Variants in LARP1B observed in about 807,000 individuals in gnomAD.
LARP1B encodes the protein la-related protein 1B.
In LARP1B, 76 loss-of-function variants were observed where a neutral mutation model predicts 114.2. The ratio of observed to expected loss-of-function variants is 0.67; its 90% CI spans 0.55 to 0.81. LARP1B has a LOEUF of 0.81. Ranked by LOEUF, LARP1B falls within the 30% of genes least tolerant of loss-of-function variation. The pLI, the probability that LARP1B is intolerant of heterozygous loss-of-function variation, is 0.00. For missense variants in LARP1B, 1,014 were observed against 1,075.8 expected (o/e 0.94, Z 0.80); for synonymous variants, 345 against 348.0 (o/e 0.99, Z 0.10).
intron 11 of LARP1B, among the ~76,000 whole-genome samples, chr4:128,144,453 A>T (rs1362945305): frequency 6.6e-6 from 1 of 152,080 alleles, no homozygotes; most frequent in Non-Finnish European, 1.5e-5. Flanking sequence ...TTGGGAATTC[A>T]CTTATAGATA....
chr4:128,166,381 G>A (rs940812709), intron 12 of LARP1B, among the ~76,000 whole-genome samples: 1 of 151,670 alleles, frequency 6.6e-6, no homozygotes, highest in Non-Finnish European at 1.5e-5. Context: ...TTTCTCCTTG[G>A]TTAATTGTAA....
chr4:128,135,146 A>T (rs547449625), intron 11 of LARP1B, among the ~76,000 whole-genome samples: 10 of 143,938 alleles, frequency 6.9e-5, no homozygotes, highest in East Asian at 2.2e-4. Flanking sequence ...AATAAATAAA[A>T]AGGATAACAA....
At chr4:128,073,579 T>G (rs943792867) in intron 1 of LARP1B, among the ~76,000 whole-genome samples, 5 of 18,886 alleles carry the variant, frequency 2.6e-4, no homozygotes, top group South Asian at 2.9e-3. Flanking sequence ...GTCGTTTTTT[T>G]TTTTTTTTTT....
intron 11 of LARP1B, among the ~76,000 whole-genome samples, chr4:128,160,800 G>T (rs2150420826): frequency 1.3e-5 from 2 of 152,284 alleles, no homozygotes; most frequent in East Asian, 1.9e-4. Flanking sequence ...ACATTTTGAT[G>T]TAATTAAAGG....
intron 8 of LARP1B, among the ~76,000 whole-genome samples, chr4:128,099,713 T>TAC (rs1254844490): frequency 6.6e-5 from 10 of 151,440 alleles, no homozygotes; most frequent in African/African-American, 1.7e-4. Context: ...GGGATATATA[T>TAC]ATACACACAC....
intron 8 of LARP1B, among the ~76,000 whole-genome samples, chr4:128,102,114 A>T (rs1167465645): frequency 6.6e-6 from 1 of 152,244 alleles, no homozygotes; most frequent in Non-Finnish European, 1.5e-5. Flanking sequence ...AGAAACACAT[A>T]AGCATAGCAA....
chr4:128,074,942 T>G lies in LARP1B; in HGVS notation c.-10T>G, dbSNP rs1767212793. On this transcript the variant is annotated 5_prime_UTR_variant, in exon 3 of 20. Coordinates refer to ENST00000326639, the MANE Select transcript of LARP1B (RefSeq NM_018078.4). ...TATTTGTTACTTCTTAGGCTAGTGA[T>G]TTCAGTGATATGGAGAATTGGCCAA... 6.2e-7 allele frequency: 1 copy of G among 1,605,104 alleles called. No homozygotes were observed. The highest frequency in any genetic ancestry group is 1.1e-5 in the South Asian group (1 of 90,596).
intron 9 of LARP1B, chr4:128,107,880 C>T (rs1382981036): frequency 1.3e-6 from 2 of 1,535,690 alleles, no homozygotes; most frequent in Non-Finnish European, 1.7e-6. Context: ...AAACTTTTTT[C>T]AGTCAGGGTG....
At position 128,211,057 on chromosome 4, in the gene LARP1B, T is replaced by A; in HGVS notation, c.*1004T>A. On this transcript the variant is annotated 3_prime_UTR_variant, in exon 20 of 20. Transcript: ENST00000326639. Reference sequence around the variant, plus strand: ...GAGTTATAGCAAATTGATTTCTAATTTTTATTGCTATTACAACTGATGTAA... The same window carrying A: ...GAGTTATAGCAAATTGATTTCTAATATTTATTGCTATTACAACTGATGTAA... The A allele has an allele frequency of 1.1e-6, 1 of 905,012 alleles. No individual in the cohort carries two copies. The highest frequency in any genetic ancestry group is 1.3e-6 in the Non-Finnish European group (1 of 756,944). 56.1% of individuals were successfully genotyped at this position (905,012 alleles called of 1,614,324 possible). A position where few individuals can be genotyped will look rare whatever the true frequency, so the allele number is the denominator to read the frequency against.
intron 5 of LARP1B, among the ~76,000 whole-genome samples, chr4:128,088,182 C>T (rs1774417365): frequency 7.8e-6 from 1 of 128,352 alleles, no homozygotes; most frequent in Admixed American, 8.7e-5. Context: ...AGAGTGAGAC[C>T]CCATCTCTAA....
chr4:128,166,283 G>T (rs996283205), intron 12 of LARP1B, among the ~76,000 whole-genome samples: 3 of 151,652 alleles, frequency 2.0e-5, no homozygotes, highest in Non-Finnish European at 4.4e-5. Context: ...TTATTGGAAA[G>T]TTATATTCAT....
At chr4:128,069,738 T>G in intron 1 of LARP1B, 1 of 286,684 alleles carries the variant, frequency 3.5e-6, no homozygotes, top group East Asian at 8.5e-5. Flanking sequence ...ACATCAGCAT[T>G]CTAGTATAAT....
chr4:128,164,171 A>G (rs1053014519), intron 12 of LARP1B, among the ~76,000 whole-genome samples: 7 of 152,164 alleles, frequency 4.6e-5, no homozygotes, highest in African/African-American at 1.7e-4. Context: ...ATCCTATGAT[A>G]TAATAGTTCC....
At chr4:128,091,589 A>C (rs1775923277) in intron 7 of LARP1B, 77 bp downstream of exon 7, 1 of 1,177,570 alleles carries the variant, frequency 8.5e-7, no homozygotes, top group African/African-American at 1.6e-5. Context: ...TTGATAATGA[A>C]TATGCTATAA....
chr4:128,202,075 C>G (rs1756134832), intron 17 of LARP1B, among the ~76,000 whole-genome samples: 1 of 152,140 alleles, frequency 6.6e-6, no homozygotes, highest in South Asian at 2.1e-4. Flanking sequence ...TTATCTATAT[C>G]AGGAACAGCA....
rs111947300 is a variant in LARP1B at position 128,193,758 on chromosome 4, A to G, written c.2004-5681A>G. Among the ~76,000 whole-genome samples the G allele has an allele frequency of 5.5e-3, 829 of 152,036 alleles. 9 individuals are homozygous for G. The highest frequency in any genetic ancestry group is 0.019 in the African/African-American group (788 of 41,456). On this transcript the variant is annotated intron_variant, in intron 15 of 19. Coordinates refer to ENST00000326639, the MANE Select transcript of LARP1B (RefSeq NM_018078.4). ...CAGCCTCCTGAGTAGCTGGAATTAC[A>G]GGTGCAAGCCACCACGCCCAGCTAA...
intron 1 of LARP1B, among the ~76,000 whole-genome samples, chr4:128,072,941 A>T (rs1055120768): frequency 2.0e-5 from 3 of 152,166 alleles, no homozygotes; most frequent in Admixed American, 6.6e-5. Context: ...TCTAAAAGTT[A>T]TATAGTATTC....
chr4:128,147,476 A>G (rs1730875722), intron 11 of LARP1B, among the ~76,000 whole-genome samples: 1 of 152,180 alleles, frequency 6.6e-6, no homozygotes, highest in Non-Finnish European at 1.5e-5. Context: ...CTAGCTAGAG[A>G]AGGTAGCTGG....
At chr4:128,112,489 T>TTTA in intron 9 of LARP1B, among the ~76,000 whole-genome samples, 1 of 146,498 alleles carries the variant, frequency 6.8e-6, no homozygotes, top group South Asian at 2.2e-4. Context: ...TTTTTTTTTT[T>TTTA]TTGAGATGGA....
Sources: gnomAD v4.1 joint callset for allele counts (sites outside exome capture counted in the v4.1 genomes callset) on GRCh38, gnomAD v4.1.1 for gene constraint, MANE v1.5 for transcripts, NCBI Gene and HGNC (gene_info 2026-07-23, HGNC 2026-07-21) for gene names.